The following CTNNA3 variants were observed in gnomAD, a reference collection of about 807,000 sequenced individuals.
The protein encoded by CTNNA3 is catenin alpha 3, also known as catenin alpha-3.
A neutral mutation model predicts 95.7 loss-of-function variants in CTNNA3; 76 were observed. The observed-to-expected ratio is 0.79, with a 90% confidence interval of 0.66 to 0.96. CTNNA3 has a LOEUF of 0.96. Ranked by LOEUF, CTNNA3 falls within the 40% of genes least tolerant of loss-of-function variation. CTNNA3 has a pLI of 0.00. For synonymous variants in CTNNA3, 431 were observed against 374.4 expected (o/e 1.15, Z -1.74); for missense variants, 1,191 against 1,089.8 (o/e 1.09, Z -1.31).
intron 10 of CTNNA3, among the ~76,000 whole-genome samples, chr10:66,538,539 C>T (rs1841736754): frequency 6.6e-6 from 1 of 152,128 alleles, no homozygotes; most frequent in Non-Finnish European, 1.5e-5. Flanking sequence ...AAAGAAAGTG[C>T]TTGCCTTTCT....
At position 66,840,932 on chromosome 10, in the gene CTNNA3, A is replaced by T. The variant is rs112085147; in HGVS notation, c.1048-65408T>A. 3.0e-3 allele frequency among the ~76,000 whole-genome samples: 460 copies of T among 152,298 alleles called. 3 individuals are homozygous for T. Among genetic ancestry groups the T allele is most frequent in the African/African-American group, 0.011 (444 of 41,568 alleles). ...TCATCTGTAAAATGAGATGATTAGA[A>T]TAACTGATCTGAAAGGAAGGTTTCT... On this transcript the variant is annotated intron_variant, in intron 7 of 17. Coordinates refer to ENST00000433211, the MANE Select transcript of CTNNA3 (RefSeq NM_013266.4).
chr10:65,937,193 T>C (rs958127449), intron 17 of CTNNA3, among the ~76,000 whole-genome samples: 1 of 152,102 alleles, frequency 6.6e-6, no homozygotes, highest in African/African-American at 2.4e-5. Flanking sequence ...CAATGTCCTT[T>C]TTACATGAAC....
In CTNNA3 at chr10:66,402,608, C is replaced by T. The variant is rs148766819; in HGVS notation, c.1532-23256G>A. 4.3e-3 allele frequency among the ~76,000 whole-genome samples: 661 copies of T among 152,218 alleles called. 9 individuals are homozygous for T. The highest frequency in any genetic ancestry group is 0.015 in the African/African-American group (640 of 41,532). On this transcript the variant is annotated intron_variant, in intron 11 of 17. Transcript: ENST00000433211. Reference sequence around the variant, plus strand: ...TTTTTAAAAGCCTATGGATCTCAATCATGGACATAAAGACAAATGCTGAGT... The same window carrying T: ...TTTTTAAAAGCCTATGGATCTCAATTATGGACATAAAGACAAATGCTGAGT...
chr10:66,886,341 C>G (rs1003760582), intron 7 of CTNNA3, among the ~76,000 whole-genome samples: 5 of 152,096 alleles, frequency 3.3e-5, no homozygotes, highest in South Asian at 2.1e-4. Context: ...TGATCTGTGA[C>G]TGAGCATGAA....
intron 15 of CTNNA3, among the ~76,000 whole-genome samples, chr10:66,001,132 T>A (rs10996820): frequency 0.024 from 3,593 of 151,878 alleles, 64 homozygotes; most frequent in Middle Eastern, 0.044. Flanking sequence ...AAATAAAAAA[T>A]ATATATATAT....
chr10:66,903,630 C>G (rs1372721388), intron 7 of CTNNA3, among the ~76,000 whole-genome samples: 1 of 152,128 alleles, frequency 6.6e-6, no homozygotes, highest in Non-Finnish European at 1.5e-5. Context: ...TAGAAAACCC[C>G]CTTGTCTCAG....
intron 7 of CTNNA3, among the ~76,000 whole-genome samples, chr10:66,912,669 G>A (rs1483102932): frequency 6.6e-6 from 1 of 151,964 alleles, no homozygotes; most frequent in South Asian, 2.1e-4. Context: ...CCCCAAGAAC[G>A]GTAGTAAAAA....
In CTNNA3 at chr10:66,905,512, A is replaced by G. The variant is rs537697966; in HGVS notation, c.1048-129988T>C. Among the ~76,000 whole-genome samples the G allele has an allele frequency of 5.1e-4, 77 of 152,306 alleles. No homozygotes were observed. The South Asian group carries it at 0.016, about 31-fold the overall frequency. ...TGTACACATGTGCCCTAGAACTTAA[A>G]GCATAATTTTTAAAAAATTGAAATC... On this transcript the variant is annotated intron_variant, in intron 7 of 17. Transcript: ENST00000433211.
chr10:66,935,892 A>G (rs950690133), intron 7 of CTNNA3, among the ~76,000 whole-genome samples: 1 of 152,060 alleles, frequency 6.6e-6, no homozygotes, highest in Non-Finnish European at 1.5e-5. Flanking sequence ...GCTCTAAAAT[A>G]ATTTATACCC....
At chr10:67,379,257 T>C (rs1359253857) in intron 5 of CTNNA3, among the ~76,000 whole-genome samples, 1 of 152,018 alleles carries the variant, frequency 6.6e-6, no homozygotes, top group Non-Finnish European at 1.5e-5. Context: ...GAAGTAGGAG[T>C]CAGGATGCCT....
At chr10:66,577,560 C>A (rs1843046265) in intron 10 of CTNNA3, among the ~76,000 whole-genome samples, 1 of 152,038 alleles carries the variant, frequency 6.6e-6, no homozygotes, top group African/African-American at 2.4e-5. Context: ...CCAGTGATCC[C>A]AGCACCATTT....
At chr10:66,189,712 T>A (rs536863140) in intron 13 of CTNNA3, among the ~76,000 whole-genome samples, 3 of 150,904 alleles carry the variant, frequency 2.0e-5, no homozygotes, top group Admixed American at 6.6e-5. Context: ...GTAGGAAAAA[T>A]AATTACAAGT....
At chr10:66,428,376 C>T (rs1306397936) in intron 11 of CTNNA3, among the ~76,000 whole-genome samples, 48 of 151,942 alleles carry the variant, frequency 3.2e-4, no homozygotes, top group African/African-American at 1.0e-3. Context: ...TATCCAGGAA[C>T]TGAACTCAGC....
intron 7 of CTNNA3, among the ~76,000 whole-genome samples, chr10:67,141,722 C>T (rs1317682118): frequency 2.0e-5 from 3 of 152,086 alleles, no homozygotes; most frequent in African/African-American, 4.8e-5. Context: ...AATGCAGCTG[C>T]CTTAGTCTTG....
At chr10:67,582,505 C>T (rs998967234) in intron 3 of CTNNA3, among the ~76,000 whole-genome samples, 18 of 151,916 alleles carry the variant, frequency 1.2e-4, no homozygotes, top group African/African-American at 3.4e-4. Flanking sequence ...GTAATAAGTG[C>T]GATGTGGTGC....
Position 66,122,010 on chromosome 10 carries a change from C to T in CTNNA3, c.1885-18761G>A, listed in dbSNP as rs570442689. Among the ~76,000 whole-genome samples the T allele has an allele frequency of 2.6e-5, 4 of 152,196 alleles. No individual in the cohort carries two copies. The East Asian group carries it at 5.8e-4, about 22-fold the overall frequency. The stretch of plus-strand genomic sequence containing the variant: ...ACTTAATCACATAAATGACAACTTC[C>T]CACACAACCAGATTGAAACATGACA... On this transcript the variant is annotated intron_variant, in intron 13 of 17. Transcript: ENST00000433211.
chr10:65,927,029 T>C (rs1364944214), intron 17 of CTNNA3, among the ~76,000 whole-genome samples: 1 of 152,186 alleles, frequency 6.6e-6, no homozygotes, highest in African/African-American at 2.4e-5. Context: ...TAAAGACAGT[T>C]GTATCTTTAC....
chr10:67,485,329 T>C (rs1199698609), intron 5 of CTNNA3, among the ~76,000 whole-genome samples: 2 of 152,086 alleles, frequency 1.3e-5, no homozygotes, highest in Admixed American at 1.3e-4. Flanking sequence ...GGTGGGGACA[T>C]TGGGAACTAC....
chr10:66,930,111 G>A (rs1008698069), intron 7 of CTNNA3, among the ~76,000 whole-genome samples: 1 of 152,058 alleles, frequency 6.6e-6, no homozygotes, highest in African/African-American at 2.4e-5. Context: ...ATCTAGGCAA[G>A]TCACCATAAA....
Sources: gnomAD v4.1 joint callset for allele counts (sites outside exome capture counted in the v4.1 genomes callset) on GRCh38, gnomAD v4.1.1 for gene constraint, MANE v1.5 for transcripts, NCBI Gene and HGNC (gene_info 2026-07-23, HGNC 2026-07-21) for gene names.